Variants in MTDH observed in about 807,000 individuals in gnomAD.
MTDH encodes the protein protein LYRIC.
A neutral mutation model predicts 72.7 loss-of-function variants in MTDH; 34 were observed. The observed-to-expected ratio is 0.47, with a 90% CI of 0.36 to 0.62. The LOEUF is 0.62. MTDH is among the 20% of genes least tolerant of loss of function. The pLI, the probability that MTDH is intolerant of heterozygous loss-of-function variation, is 0.00. For synonymous variants in MTDH, 266 were observed against 268.9 expected (o/e 0.99, Z 0.10); for missense variants, 677 against 699.4 (o/e 0.97, Z 0.36).
chr8:97,687,923 G>A (rs910842361), intron 4 of MTDH, among the ~76,000 whole-genome samples: 5 of 152,174 alleles, frequency 3.3e-5, no homozygotes, highest in African/African-American at 1.2e-4. Flanking sequence ...GTTCCTTAGA[G>A]TGGATAAGAC....
Position 97,706,801 on chromosome 8 carries a change from T to A in MTDH, c.1272+51T>A, listed in dbSNP as rs376241413. 94 of 1,564,760 alleles carry A rather than the reference T, an allele frequency of 6.0e-5. No homozygotes were observed. The Admixed American group carries it at 1.7e-3, about 28-fold the overall frequency. On this transcript the variant is annotated intron_variant, in intron 8 of 11. Transcript: ENST00000336273. ...TTATTTGTTAATGAAAGAGACAGGC[T>A]GGGCACAGTGGCTCACGCCTATGAT...
At chr8:97,652,095 T>G (rs1463488695) in intron 1 of MTDH, among the ~76,000 whole-genome samples, 1 of 152,234 alleles carries the variant, frequency 6.6e-6, no homozygotes. Context: ...GCAGTAGCCT[T>G]CCTTTTACTG....
chr8:97,704,605 T>C (rs1175510148), intron 7 of MTDH, among the ~76,000 whole-genome samples: 1 of 151,872 alleles, frequency 6.6e-6, no homozygotes, highest in African/African-American at 2.4e-5. Context: ...TAAGACCCTG[T>C]CTCTTAAACT....
At chr8:97,711,695 C>G (rs533675930) in intron 8 of MTDH, among the ~76,000 whole-genome samples, 1 of 152,146 alleles carries the variant, frequency 6.6e-6, no homozygotes, top group Non-Finnish European at 1.5e-5. Context: ...GTGTCAAACC[C>G]TAGGTATACT....
chr8:97,687,279 A>G lies in MTDH; in HGVS notation c.569-150A>G, dbSNP rs573291465. 1.6e-5 allele frequency: 8 copies of G among 513,046 alleles called. 1 individual carries two copies. In the South Asian group the frequency reaches 4.2e-4, roughly 27 times the overall value. The allele number at this position is 513,046 out of a possible 1,614,324, so 31.8% of individuals were successfully genotyped here. ...AATGAAATTAGAAAACATTCTTAGG[A>G]TGAGTTAATATAATCAACACTCTTG... On this transcript the variant is annotated intron_variant, in intron 3 of 11. Transcript: ENST00000336273.
intron 2 of MTDH, among the ~76,000 whole-genome samples, chr8:97,676,347 T>C (rs1463006442): frequency 6.6e-6 from 1 of 152,202 alleles, no homozygotes; most frequent in Non-Finnish European, 1.5e-5. Context: ...ATTTGTACGG[T>C]ATCCCCCTTG....
chr8:97,712,356 G>GT (rs955340551), intron 8 of MTDH, among the ~76,000 whole-genome samples: 43 of 151,580 alleles, frequency 2.8e-4, no homozygotes, highest in Non-Finnish European at 4.7e-4. Flanking sequence ...TTTGTTTTTT[G>GT]TTTTTTTTCA....
chr8:97,701,672 G>A (rs1271505488), intron 7 of MTDH, among the ~76,000 whole-genome samples: 1 of 152,196 alleles, frequency 6.6e-6, no homozygotes, highest in Non-Finnish European at 1.5e-5. Flanking sequence ...TGATAGGAGT[G>A]ACTATAGGAA....
At chr8:97,660,253 A>C (rs1812126172) in intron 1 of MTDH, among the ~76,000 whole-genome samples, 1 of 152,236 alleles carries the variant, frequency 6.6e-6, no homozygotes, top group Non-Finnish European at 1.5e-5. Context: ...AGTGCTATCC[A>C]TCATTTTATT....
chr8:97,683,045 C>CCTTTTT (rs1813199956), intron 2 of MTDH, among the ~76,000 whole-genome samples: 1 of 44,338 alleles, frequency 2.3e-5, no homozygotes, highest in Non-Finnish European at 4.4e-5. Context: ...CTCTTAGACA[C>CCTTTTT]TTTTTTTTTT....
intron 2 of MTDH, among the ~76,000 whole-genome samples, chr8:97,672,207 G>GT (rs1347441651): frequency 1.3e-5 from 2 of 152,202 alleles, no homozygotes; most frequent in African/African-American, 2.4e-5. Flanking sequence ...ATCATTGGCA[G>GT]TTTTTTACTA....
intron 5 of MTDH, among the ~76,000 whole-genome samples, chr8:97,689,788 A>G (rs1295941299): frequency 1.3e-5 from 2 of 150,150 alleles, no homozygotes; most frequent in Admixed American, 6.7e-5. Context: ...GCTCACTGCA[A>G]CCTCCACCTC....
intron 2 of MTDH, among the ~76,000 whole-genome samples, chr8:97,672,476 A>G (rs1373727660): frequency 3.9e-5 from 6 of 152,202 alleles, no homozygotes; most frequent in African/African-American, 1.4e-4. Flanking sequence ...TTAGTTTTCA[A>G]GTTTCCCTTT....
intron 6 of MTDH, among the ~76,000 whole-genome samples, chr8:97,694,293 G>T (rs1404149204): frequency 6.6e-6 from 1 of 152,012 alleles, no homozygotes; most frequent in South Asian, 2.1e-4. Flanking sequence ...CGCCTCTCGG[G>T]TTCAAGCAAT....
At chr8:97,689,318 CT>C (rs1282575338) in intron 5 of MTDH, among the ~76,000 whole-genome samples, 1 of 152,108 alleles carries the variant, frequency 6.6e-6, no homozygotes, top group Non-Finnish European at 1.5e-5. Context: ...ATGTTCTAGT[CT>C]TTTTCCCCCA....
At chr8:97,679,812 A>T (rs1433978390) in intron 2 of MTDH, among the ~76,000 whole-genome samples, 1 of 151,962 alleles carries the variant, frequency 6.6e-6, no homozygotes, top group Non-Finnish European at 1.5e-5. Context: ...GTGATAGCAG[A>T]CCCCTTTATC....
At chr8:97,724,227 A>G (rs886697791) in intron 11 of MTDH, among the ~76,000 whole-genome samples, 5 of 152,138 alleles carry the variant, frequency 3.3e-5, no homozygotes, top group Non-Finnish European at 5.9e-5. Context: ...TTCTCTGCAC[A>G]TGTTCTTGAG....
intron 2 of MTDH, among the ~76,000 whole-genome samples, chr8:97,664,104 C>T (rs1045665059): frequency 6.6e-6 from 1 of 152,146 alleles, no homozygotes; most frequent in Non-Finnish European, 1.5e-5. Context: ...GCCTGTAATC[C>T]CAGCACTTTG....
At chr8:97,678,625 G>A (rs1195542070) in intron 2 of MTDH, among the ~76,000 whole-genome samples, 1 of 82,746 alleles carries the variant, frequency 1.2e-5, no homozygotes, top group African/African-American at 4.8e-5. Context: ...TTTTGAGAGA[G>A]AGACAGAATT....
Sources: allele counts gnomAD v4.1 joint callset (sites outside exome capture counted in the v4.1 genomes callset), GRCh38; gene constraint gnomAD v4.1.1; transcripts MANE v1.5; gene names NCBI Gene and HGNC (gene_info 2026-07-23, HGNC 2026-07-21).